Variants in ZC3H7B observed in about 807,000 individuals in gnomAD.
ZC3H7B encodes the protein zinc finger CCCH-type containing 7B.
In ZC3H7B, 35 loss-of-function variants were observed where a neutral mutation model predicts 116.0. The observed-to-expected ratio is 0.30, with a 90% CI of 0.23 to 0.40. The LOEUF (loss-of-function observed/expected upper bound fraction) is 0.40. ZC3H7B is among the 10% of genes least tolerant of loss of function. The probability of loss-of-function intolerance (pLI) is 1.00; values close to 1 mark genes in which losing one functional copy is unlikely to be tolerated. For synonymous variants in ZC3H7B, 502 were observed against 545.6 expected, an observed-to-expected ratio of 0.92 and a Z score of 1.11; for missense variants, 1,011 against 1,321.5, an observed-to-expected ratio of 0.77 and a Z score of 3.64.
At position 41,355,785 on chromosome 22, in the gene ZC3H7B, G is replaced by C; in HGVS notation, c.2197G>C (p.Val733Leu). 6.2e-7 allele frequency: 1 copy of C among 1,613,094 alleles called. No individual in the cohort carries two copies. Among genetic ancestry groups the C allele is most frequent in the South Asian group, 1.1e-5 (1 of 90,990 alleles). ...GACCAAGGAGCGGCGGGTCCTTCTG[G>C]TGATGTCCAAGGCCAAGAGGAAATG... ...CWTKERRVLL[V>L]MSKAKRKWVS... is the part of the protein sequence containing the mutation. Residue 733 changes from valine (V) to leucine (L), a missense_variant, in exon 19 of 23, where the codon GTG becomes CTG. Transcript: ENST00000352645.
At chr22:41,344,097 C>A (rs1169450055) in intron 13 of ZC3H7B, among the ~76,000 whole-genome samples, 1 of 152,228 alleles carries the variant, frequency 6.6e-6, no homozygotes, top group Non-Finnish European at 1.5e-5. Context: ...CTGGTCCCAG[C>A]CAAGCGCCTT....
At chr22:41,344,629 G>C (rs1272505038) in intron 13 of ZC3H7B, among the ~76,000 whole-genome samples, 4 of 152,120 alleles carry the variant, frequency 2.6e-5, no homozygotes, top group African/African-American at 9.7e-5. Context: ...CACTCCTCCA[G>C]GTCTGTGGCC....
intron 2 of ZC3H7B, among the ~76,000 whole-genome samples, chr22:41,325,297 C>A (rs1345807796): frequency 6.6e-6 from 1 of 151,834 alleles, no homozygotes; most frequent in East Asian, 1.9e-4. Flanking sequence ...GAACTGGGGC[C>A]AGGCTGGAGG....
Position 41,351,171 on chromosome 22 carries a change from G to C in ZC3H7B, c.1949-390G>C, listed in dbSNP as rs2145940623. Among the ~76,000 whole-genome samples, 1 of 152,326 alleles carries C rather than the reference G, an allele frequency of 6.6e-6. No individual in the cohort carries two copies. The highest frequency in any genetic ancestry group is 2.1e-4 in the South Asian group (1 of 4,826). ...GGAGCCCTAAGTGCCAGTGAGGCCAGGGGCTGCCAAGCAGGCACTAGGCTT... is the reference window on the plus strand; with the variant it reads ...GGAGCCCTAAGTGCCAGTGAGGCCACGGGCTGCCAAGCAGGCACTAGGCTT... On this transcript the variant is annotated intron_variant, in intron 16 of 22. Transcript: ENST00000352645. The surrounding 1 kb of genome is among the most constrained non-coding windows in gnomAD (Gnocchi z 5.1).
In ZC3H7B at chr22:41,332,167, G is replaced by A; in HGVS notation, c.526-4G>A. The A allele has an allele frequency of 1.2e-6, 2 of 1,614,114 alleles. No homozygotes were observed. Among genetic ancestry groups the A allele is most frequent in the Non-Finnish European group, 1.7e-6 (2 of 1,179,978 alleles). ...TCTGCCCACCTCTCTCCAATCTCTG[G>A]CAGGAATTGGAAACCTTTTCTCTGC... On this transcript the variant is annotated splice_polypyrimidine_tract_variant and splice_region_variant and intron_variant, in intron 6 of 22. Coordinates refer to ENST00000352645, the MANE Select transcript of ZC3H7B (RefSeq NM_017590.6).
chr22:41,337,518 G>C (rs967600564), intron 7 of ZC3H7B, among the ~76,000 whole-genome samples: 1 of 152,236 alleles, frequency 6.6e-6, no homozygotes, highest in African/African-American at 2.4e-5. Context: ...CCAGCAGGAA[G>C]GCAGTGGGAT....
chr22:41,325,340 C>A (rs62238179), intron 2 of ZC3H7B, among the ~76,000 whole-genome samples: 8,149 of 152,100 alleles, frequency 0.054, 283 homozygotes, highest in Non-Finnish European at 0.083. Context: ...TTTCTCAACA[C>A]CTGTACCTGG....
At chr22:41,325,474 C>A in intron 2 of ZC3H7B, 90 bp from the exon 3 acceptor site, 1 of 1,521,718 alleles carries the variant, frequency 6.6e-7, no homozygotes, top group Non-Finnish European at 8.9e-7. Flanking sequence ...AAGGTGATGG[C>A]TGAGGTCTGA....
chr22:41,350,052 C>T (rs1442661903), intron 16 of ZC3H7B, among the ~76,000 whole-genome samples: 2 of 152,070 alleles, frequency 1.3e-5, no homozygotes, highest in African/African-American at 4.8e-5. Context: ...GAAGATAAAG[C>T]CGAGCAATGG....
Position 41,340,081 on chromosome 22 carries a change from C to T in ZC3H7B, c.1082C>T (p.Ala361Val), listed in dbSNP as rs1044290688. ...CCGTACTCGGAGACCCGGCTGGATGCACTCGACAGCTTTGGGTCGACACGA... is the reference window on the plus strand; with the variant it reads ...CCGTACTCGGAGACCCGGCTGGATGTACTCGACAGCTTTGGGTCGACACGA... Reference protein sequence around the residue: ...LLPYSETRLDALDSFGSTRGS... With the variant: ...LLPYSETRLDVLDSFGSTRGS... Residue 361 changes from alanine (A) to valine (V), a missense_variant, in exon 10 of 23, where the codon GCA becomes GTA. Ala to Val is a moderately conservative substitution (Grantham distance 64). Transcript: ENST00000352645. The T allele has an allele frequency of 6.2e-7, 1 of 1,612,076 alleles. No individual in the cohort carries two copies. The highest frequency in any genetic ancestry group is 8.5e-7 in the Non-Finnish European group (1 of 1,179,866).
rs1246872513 is a variant in ZC3H7B at position 41,355,970 on chromosome 22, A to G, written c.2291A>G (p.Gln764Arg). The G allele has an allele frequency of 2.5e-6, 4 of 1,571,148 alleles. No homozygotes were observed. Among genetic ancestry groups the G allele is most frequent in the Non-Finnish European group, 3.5e-6 (4 of 1,159,098 alleles). Residue 764 changes from glutamine to arginine, a missense_variant, in exon 20 of 23, where the codon CAG becomes CGG. Transcript: ENST00000352645. ...ACCCCACAGCTCTGCATCCATGCAC[A>G]GAACGGCCGCAAGTGCCAATATGTG... ...PQQYDLCIHA[Q>R]NGRKCQYVGN... is the part of the protein sequence containing the mutation.
chr22:41,339,783 C>A, intron 9 of ZC3H7B, 33 bp from the exon 10 acceptor site: 1 of 1,553,818 alleles, frequency 6.4e-7, no homozygotes, highest in Non-Finnish European at 8.7e-7. Flanking sequence ...GTCCTGTTTT[C>A]CTCTGACCCC....
In ZC3H7B at chr22:41,346,281, A is replaced by C. The variant is rs2036584281; in HGVS notation, c.1665+73A>C. The C allele has an allele frequency of 3.3e-6, 5 of 1,532,726 alleles. No homozygotes were observed. The highest frequency in any genetic ancestry group is 4.4e-6 in the Non-Finnish European group (5 of 1,134,282). 94.9% of individuals were successfully genotyped at this position (1,532,726 alleles called of 1,614,324 possible). On this transcript the variant is annotated intron_variant, in intron 14 of 22. Coordinates refer to ENST00000352645, the MANE Select transcript of ZC3H7B (RefSeq NM_017590.6). This position sits in a 1 kb window ranked among gnomAD's most constrained non-coding sequence, Gnocchi z 5.3. ...GGGCTGGGGATGCTCCCTGGCACGG[A>C]CCACCATAGGAAGTCAGCCCTGGAA...
chr22:41,325,121 A>G (rs543892001), intron 2 of ZC3H7B, among the ~76,000 whole-genome samples: 3 of 151,594 alleles, frequency 2.0e-5, no homozygotes, highest in South Asian at 4.2e-4. Flanking sequence ...CCTTTAGGAG[A>G]GGGCTGGTTT....
chr22:41,354,446 T>C (rs532758801), intron 17 of ZC3H7B, among the ~76,000 whole-genome samples: 2 of 152,306 alleles, frequency 1.3e-5, no homozygotes, highest in East Asian at 3.9e-4. Context: ...GGACAGCTCC[T>C]TCCTGCTCCA....
intron 1 of ZC3H7B, among the ~76,000 whole-genome samples, chr22:41,318,090 T>C (rs2036207286): frequency 6.6e-6 from 1 of 152,214 alleles, no homozygotes; most frequent in African/African-American, 2.4e-5. Context: ...TAAAAGCTCC[T>C]GTGACTCCTC....
intron 1 of ZC3H7B, among the ~76,000 whole-genome samples, chr22:41,319,215 C>T (rs1445076332): frequency 1.3e-5 from 2 of 152,154 alleles, no homozygotes; most frequent in Admixed American, 6.5e-5. Context: ...TCCTGGCTAA[C>T]ACGGTGAAAC....
In ZC3H7B at chr22:41,357,857, G is replaced by A; in HGVS notation, c.*428G>A. 1 of 231,678 alleles carries A rather than the reference G, an allele frequency of 4.3e-6. No homozygotes were observed. The highest frequency in any genetic ancestry group is 9.8e-5 in the East Asian group (1 of 10,200). The allele number at this position is 231,678 out of a possible 1,614,324, so 14.4% of individuals were successfully genotyped here. On this transcript the variant is annotated 3_prime_UTR_variant, in exon 23 of 23. Coordinates refer to ENST00000352645, the MANE Select transcript of ZC3H7B (RefSeq NM_017590.6). The surrounding 1 kb of genome is among the most constrained non-coding windows in gnomAD (Gnocchi z 5.4). Reference sequence around the variant, plus strand: ...CCTCCTCCCACCCCCTCCCCCTGGGGGCAAATCAGGACACAACAGAGGGCA... The same window carrying A: ...CCTCCTCCCACCCCCTCCCCCTGGGAGCAAATCAGGACACAACAGAGGGCA...
chr22:41,325,857 C>T lies in ZC3H7B; in HGVS notation c.224C>T (p.Ala75Val), dbSNP rs1315934754. ...GACTACGCTGCCTCTGACCAGGTGGCCCTGCCCCGGGAGCTGCTGTGCAAG... is the reference window on the plus strand; with the variant it reads ...GACTACGCTGCCTCTGACCAGGTGGTCCTGCCCCGGGAGCTGCTGTGCAAG... The part of the protein sequence containing the change: ...VADYAASDQV[A>V]LPRELLCKLH... Residue 75 changes from alanine (A) to valine (V), a missense_variant, in exon 4 of 23, where the codon GCC (alanine) becomes GTC (valine). Ala to Val is a moderately conservative substitution (Grantham distance 64). Around this residue, in one of 5 missense-constraint regions of ZC3H7B, gnomAD observed 322 missense variants for 443.9 expected, o/e 0.73. Coordinates refer to ENST00000352645, the MANE Select transcript of ZC3H7B (RefSeq NM_017590.6). The T allele has an allele frequency of 6.2e-7, 1 of 1,612,300 alleles. No homozygotes were observed. Among genetic ancestry groups the T allele is most frequent in the South Asian group, 1.1e-5 (1 of 90,766 alleles).
Sources: gnomAD v4.1 joint callset for allele counts (sites outside exome capture counted in the v4.1 genomes callset) on GRCh38, gnomAD v4.1.1 for gene constraint, gnomAD v4.1.1 regional missense constraint, Gnocchi (gnomAD v3.1) non-coding constraint, MANE v1.5 for transcripts, NCBI Gene and HGNC (gene_info 2026-07-23, HGNC 2026-07-21) for gene names.